The following RSPO2 variants were observed in gnomAD, a reference collection of about 807,000 sequenced individuals.
RSPO2 encodes the protein R-spondin-2.
Under a neutral mutation model 30.9 loss-of-function variants are expected in RSPO2, and 14 were observed. The observed-to-expected ratio is 0.45, with a 90% CI of 0.30 to 0.71. The LOEUF (loss-of-function observed/expected upper bound fraction) is 0.71. Among genes scored for constraint, RSPO2 ranks in the 30% least tolerant of loss-of-function variants. The probability of loss-of-function intolerance (pLI) is 0.08; values close to 1 mark genes in which losing one functional copy is unlikely to be tolerated. For missense variants in RSPO2, 264 were observed against 301.9 expected, an observed-to-expected ratio of 0.87 and a Z score of 0.93; for synonymous variants, 107 against 96.4, an observed-to-expected ratio of 1.11 and a Z score of -0.64.
intron 2 of RSPO2, among the ~76,000 whole-genome samples, chr8:108,058,394 A>C (rs1442616380): frequency 1.3e-5 from 2 of 152,228 alleles, no homozygotes; most frequent in Non-Finnish European, 2.9e-5. Context: ...GGGTAGGAAG[A>C]ATCAATATCA....
intron 3 of RSPO2, among the ~76,000 whole-genome samples, chr8:107,975,409 T>C (rs1024462412): frequency 6.6e-6 from 1 of 152,222 alleles, no homozygotes; most frequent in Non-Finnish European, 1.5e-5. Flanking sequence ...TCTAGTATTA[T>C]CTCCGCTACA....
At chr8:108,018,141 G>T (rs1810951997) in intron 2 of RSPO2, among the ~76,000 whole-genome samples, 1 of 152,000 alleles carries the variant, frequency 6.6e-6, no homozygotes, top group South Asian at 2.1e-4. Context: ...TGCTAAAAGG[G>T]GACTTCACTT....
chr8:108,060,464 G>C (rs535366374), intron 2 of RSPO2, among the ~76,000 whole-genome samples: 1 of 151,588 alleles, frequency 6.6e-6, no homozygotes, highest in Non-Finnish European at 1.5e-5. Context: ...GAAATGAAGC[G>C]AGAAGAGAAG....
At chr8:108,030,013 T>C (rs2514837) in intron 2 of RSPO2, among the ~76,000 whole-genome samples, 2 of 150,838 alleles carry the variant, frequency 1.3e-5, no homozygotes, top group Admixed American at 1.3e-4. Flanking sequence ...ACATTTTTTT[T>C]AAATAACAGA....
chr8:107,953,322 G>C (rs1053937777), intron 5 of RSPO2, among the ~76,000 whole-genome samples: 5 of 152,070 alleles, frequency 3.3e-5, no homozygotes, highest in African/African-American at 7.2e-5. Context: ...CTACAATCTT[G>C]AAGCCACATT....
intron 5 of RSPO2, among the ~76,000 whole-genome samples, chr8:107,909,088 G>A (rs919085049): frequency 9.2e-5 from 14 of 152,046 alleles, no homozygotes; most frequent in African/African-American, 3.4e-4. Flanking sequence ...AAATATACTA[G>A]GCAATTTGCT....
At chr8:108,055,330 G>C (rs185376993) in intron 2 of RSPO2, among the ~76,000 whole-genome samples, 13 of 152,224 alleles carry the variant, frequency 8.5e-5, no homozygotes, top group Non-Finnish European at 2.9e-5. Flanking sequence ...AAGGAGAGTT[G>C]GAGGAGGCAG....
chr8:107,904,675 A>G (rs528820519), intron 5 of RSPO2, among the ~76,000 whole-genome samples: 1 of 152,208 alleles, frequency 6.6e-6, no homozygotes, highest in Non-Finnish European at 1.5e-5. Flanking sequence ...ACAGTCTTGT[A>G]ACTGAGATGT....
At chr8:108,004,498 A>C (rs999199461) in intron 2 of RSPO2, among the ~76,000 whole-genome samples, 30 of 152,200 alleles carry the variant, frequency 2.0e-4, no homozygotes, top group African/African-American at 6.8e-4. Flanking sequence ...TTACAAATGC[A>C]TGAAAGCCAG....
Position 107,989,211 on chromosome 8 carries a change from C to A in RSPO2, c.128G>T (p.Cys43Phe). The change falls in exon 3 of 6, where the codon TGT becomes TTT. Residue 43 changes from cysteine (C) to phenylalanine (F), a missense_variant. Transcript: ENST00000276659. ...CCCATTGTCCTTTGAACAAGACAAA[C>A]AACCCTTGCAAATGGGATTTGATAC... ...SYVSNPICKGCLSCSKDNGCS... is the reference protein window; with the variant it reads ...SYVSNPICKGFLSCSKDNGCS... 1 of 1,583,216 alleles carries A rather than the reference C, an allele frequency of 6.3e-7. No individual in the cohort carries two copies.
intron 5 of RSPO2, among the ~76,000 whole-genome samples, chr8:107,904,529 G>C (rs1811578544): frequency 6.6e-6 from 1 of 152,024 alleles, no homozygotes; most frequent in Non-Finnish European, 1.5e-5. Context: ...CAGGTCTACA[G>C]GGCAGATCTT....
intron 5 of RSPO2, among the ~76,000 whole-genome samples, chr8:107,935,978 G>T (rs1023605800): frequency 5.3e-5 from 8 of 151,984 alleles, no homozygotes; most frequent in African/African-American, 9.7e-5. Flanking sequence ...CTCTCTTCTA[G>T]CTTCTTTGAA....
At chr8:108,010,465 G>A (rs1021755640) in intron 2 of RSPO2, among the ~76,000 whole-genome samples, 2 of 152,200 alleles carry the variant, frequency 1.3e-5, no homozygotes, top group Non-Finnish European at 1.5e-5. Context: ...AGGGCAAAGA[G>A]GGCCTGAGAT....
chr8:107,931,827 T>C (rs567882586), intron 5 of RSPO2, among the ~76,000 whole-genome samples: 2 of 152,316 alleles, frequency 1.3e-5, no homozygotes, highest in East Asian at 1.9e-4. Flanking sequence ...TCCTTGTGTA[T>C]GTATGGGGTA....
chr8:107,975,454 C>G (rs1247883410), intron 3 of RSPO2, among the ~76,000 whole-genome samples: 1 of 152,216 alleles, frequency 6.6e-6, no homozygotes, highest in Non-Finnish European at 1.5e-5. Flanking sequence ...TTTAACTTCT[C>G]TACGCCTCAG....
intron 2 of RSPO2, among the ~76,000 whole-genome samples, chr8:107,994,057 T>C (rs1814935951): frequency 6.6e-6 from 1 of 152,038 alleles, no homozygotes; most frequent in Non-Finnish European, 1.5e-5. Context: ...GGGGTGAATA[T>C]TGGAGAAAAT....
intron 2 of RSPO2, among the ~76,000 whole-genome samples, chr8:108,048,236 A>G (rs1045447136): frequency 6.6e-6 from 1 of 151,924 alleles, no homozygotes; most frequent in African/African-American, 2.4e-5. Flanking sequence ...GTTTCACATC[A>G]GCTTGTAAGA....
chr8:107,949,893 T>C (rs1813186629), intron 5 of RSPO2, among the ~76,000 whole-genome samples: 1 of 152,174 alleles, frequency 6.6e-6, no homozygotes, highest in Non-Finnish European at 1.5e-5. Context: ...TGAATCAGTA[T>C]TACTCATGCC....
rs1389984 is a variant in RSPO2, at chr8:107,968,237, A to G, written c.284-7420T>C. ...AAAGGATAAAGAAAATATTTTATGT[A>G]TATACACACAATAGAATGTTATTCA... is the stretch of plus-strand genomic sequence containing the variant. On this transcript the variant is annotated intron_variant, in intron 3 of 5. Transcript: ENST00000276659. Among the ~76,000 whole-genome samples, 414 of 152,268 alleles carry G rather than the reference A, an allele frequency of 2.7e-3. 1 individual carries two copies. Among genetic ancestry groups the G allele is most frequent in the Middle Eastern group, 0.014 (4 of 294 alleles).
Sources: gnomAD v4.1 joint callset for allele counts (sites outside exome capture counted in the v4.1 genomes callset) on GRCh38, gnomAD v4.1.1 for gene constraint, MANE v1.5 for transcripts, NCBI Gene and HGNC (gene_info 2026-07-23, HGNC 2026-07-21) for gene names.